FER1L5: variants seen among roughly 807,000 people sequenced by gnomAD.
The protein encoded by FER1L5 is fer-1-like protein 5.
Under a neutral mutation model 279.9 loss-of-function variants are expected in FER1L5, and 187 were observed. The ratio of observed to expected loss-of-function variants is 0.67; its 90% CI spans 0.59 to 0.75. The LOEUF is 0.75. Among genes scored for constraint, FER1L5 ranks in the 30% least tolerant of loss-of-function variants. FER1L5 has a pLI of 0.00. For missense variants in FER1L5, 2,091 were observed against 2,594.4 expected (o/e 0.81, Z 4.21); for synonymous variants, 921 against 989.7 (o/e 0.93, Z 1.30).
chr2:96,695,278 CT>C (rs560539265), intron 34 of FER1L5: 88 of 543,610 alleles, frequency 1.6e-4, no homozygotes, highest in African/African-American at 1.5e-3. Flanking sequence ...GGTCACCTCC[CT>C]CATGGGTTGG....
chr2:96,649,436 C>T (rs1309859584), intron 4 of FER1L5, among the ~76,000 whole-genome samples, 187 bp from the exon 5 acceptor site: 1 of 152,196 alleles, frequency 6.6e-6, no homozygotes, highest in African/African-American at 2.4e-5. Flanking sequence ...TTGCTCTCTC[C>T]TCACCCATTT....
Position 96,687,730 on chromosome 2 carries a change from G to A in FER1L5, c.2230-86G>A, listed in dbSNP as rs1275976816. 5 of 1,521,006 alleles carry A rather than the reference G, an allele frequency of 3.3e-6. No homozygotes were observed. In the African/African-American group the frequency reaches 5.5e-5, roughly 17 times the overall value. The allele number at this position is 1,521,006 out of a possible 1,614,324, so 94.2% of individuals were successfully genotyped here. ...CCGCTCCCAGGGCTCAGGGGGGAAGGGGCAGGTACAGCCCACTTGGGGGGT... is the reference window on the plus strand; with the variant it reads ...CCGCTCCCAGGGCTCAGGGGGGAAGAGGCAGGTACAGCCCACTTGGGGGGT... On this transcript the variant is annotated intron_variant, in intron 23 of 52. Coordinates refer to ENST00000624922, the MANE Select transcript of FER1L5 (RefSeq NM_001293083.2).
Position 96,703,577 on chromosome 2 carries a change from C to A in FER1L5, c.5746C>A (p.Pro1916Thr), listed in dbSNP as rs746966683. 1 of 1,613,990 alleles carries A rather than the reference C, an allele frequency of 6.2e-7. No individual in the cohort carries two copies. Among genetic ancestry groups the A allele is most frequent in the Non-Finnish European group, 8.5e-7 (1 of 1,179,884 alleles). Residue 1916 changes from proline (P) to threonine (T), a missense_variant, in exon 51 of 53, where the codon CCA becomes ACA. Pro to Thr is a conservative substitution (Grantham distance 38). Transcript: ENST00000624922. Reference protein sequence around the residue: ...ILSEKEALIKPAGRGQSEPNQ... With the variant: ...ILSEKEALIKTAGRGQSEPNQ... Reference sequence around the variant, plus strand: ...GTCAGAGAAGGAAGCCTTAATCAAGCCAGCCGGGCGAGGCCAGTCGGAACC... The same window carrying A: ...GTCAGAGAAGGAAGCCTTAATCAAGACAGCCGGGCGAGGCCAGTCGGAACC...
intron 2 of FER1L5, 70 bp downstream of exon 2, chr2:96,646,523 G>T: frequency 6.7e-7 from 1 of 1,492,714 alleles, no homozygotes; most frequent in Non-Finnish European, 9.1e-7. Context: ...GTGGGGTCCA[G>T]GAAGGTGCTC....
intron 35 of FER1L5, 26 bp from the exon 36 acceptor site, chr2:96,695,716 C>T (rs1183753448): frequency 1.4e-5 from 22 of 1,609,476 alleles, no homozygotes; most frequent in Non-Finnish European, 1.9e-5. Context: ...GGGTCTCACG[C>T]TCCCCACGTC....
Position 96,689,358 on chromosome 2 carries a change from C to T in FER1L5, c.2507C>T (p.Thr836Ile), listed in dbSNP as rs1262442550. 6 of 1,550,196 alleles carry T rather than the reference C, an allele frequency of 3.9e-6. No homozygotes were observed. The African/African-American group carries it at 5.5e-5, about 14-fold the overall frequency. The change falls in exon 25 of 53, where the codon ACA becomes ATA. Residue 836 changes from threonine (T) to isoleucine (I), a missense_variant. Thr to Ile is a moderately conservative substitution (Grantham distance 89). Transcript: ENST00000624922. This position sits in a 1 kb window ranked among gnomAD's most constrained non-coding sequence, Gnocchi z 4.6. The part of the protein sequence containing the change: ...PLGWHWQDSW[T>I]VEPQRRLLLD... ...GGATGGCACTGGCAGGACAGCTGGA[C>T]AGTGGAACCTCAGAGAAGGTAAGGC...
chr2:96,695,391 C>A lies in FER1L5; in HGVS notation c.3742-118C>A, dbSNP rs575739760. 5.0e-5 allele frequency: 67 copies of A among 1,328,886 alleles called. No individual in the cohort carries two copies. The East Asian group carries it at 1.7e-3, about 34-fold the overall frequency. 82.3% of individuals were successfully genotyped at this position (1,328,886 alleles called of 1,614,324 possible). A position where few individuals can be genotyped will look rare whatever the true frequency, so the allele number is the denominator to read the frequency against. Reference sequence around the variant, plus strand: ...CACTGGCTCCTCTGCAGCCCCATTCCCTGGCCCTGCAGGCTCCTGCTGCAC... The same window carrying A: ...CACTGGCTCCTCTGCAGCCCCATTCACTGGCCCTGCAGGCTCCTGCTGCAC... On this transcript the variant is annotated intron_variant, in intron 34 of 52. Coordinates refer to ENST00000624922, the MANE Select transcript of FER1L5 (RefSeq NM_001293083.2).
intron 9 of FER1L5, among the ~76,000 whole-genome samples, chr2:96,655,348 A>T (rs1462145730): frequency 6.6e-6 from 1 of 152,222 alleles, no homozygotes; most frequent in Non-Finnish European, 1.5e-5. Context: ...TAAATACAGG[A>T]TGCCTGGTTA....
rs984682795 is a variant in FER1L5 at position 96,704,548 on chromosome 2, A to C, written c.6030A>C (p.Leu2010=). 2.5e-6 allele frequency: 4 copies of C among 1,613,882 alleles called. No homozygotes were observed. The South Asian group carries it at 4.4e-5, about 18-fold the overall frequency. Reference sequence around the variant, plus strand: ...AAATATTCAATATCATCAATTCACTAAACACCAGCAACGCCAGCTCTTCCA... The same window carrying C: ...AAATATTCAATATCATCAATTCACTCAACACCAGCAACGCCAGCTCTTCCA... The part of the protein sequence containing the change: ...PIKIFNIINS[L]NTSNASSSIL... The change falls in exon 53 of 53, where the codon CTA becomes CTC. Residue 2010 remains leucine (L), a synonymous_variant. Coordinates refer to ENST00000624922, the MANE Select transcript of FER1L5 (RefSeq NM_001293083.2).
chr2:96,684,864 AGGGAATAACCTGCAAAGCCGC>A, intron 20 of FER1L5, among the ~76,000 whole-genome samples: 1 of 152,118 alleles, frequency 6.6e-6, no homozygotes. Context: ...TGGGGGTAGA[AGGGAATAACCTGCAAAGCCGC>A]GGCAATGTGC....
chr2:96,680,811 C>T (rs1404909848), intron 19 of FER1L5, among the ~76,000 whole-genome samples: 5 of 152,180 alleles, frequency 3.3e-5, no homozygotes, highest in South Asian at 2.1e-4. Context: ...ACTCCAGAGG[C>T]CCCTGTGCCC....
Position 96,653,673 on chromosome 2 carries a change from A to G in FER1L5, c.667A>G (p.Lys223Glu), listed in dbSNP as rs1431889185. Residue 223 changes from lysine to glutamate, a missense_variant, in exon 8 of 53, where the codon AAG becomes GAG. Transcript: ENST00000624922. ...FFQNFHEVPA[K>E]FFDETILIQV... ...CCAGAATTTTCATGAGGTTCCTGCA[A>G]AGTTCTTTGATGAGACCATCTTAAT... The G allele has an allele frequency of 7.7e-6, 12 of 1,551,422 alleles. No homozygotes were observed. The highest frequency in any genetic ancestry group is 1.2e-5 in the South Asian group (1 of 84,048).
intron 9 of FER1L5, among the ~76,000 whole-genome samples, chr2:96,659,362 C>CTTCCTTCCTTCCT: frequency 1.6e-5 from 1 of 61,312 alleles, no homozygotes; most frequent in East Asian, 8.6e-4. Flanking sequence ...TCCTTCCTTC[C>CTTCCTTCCTTCCT]TTCTTTCTTT....
chr2:96,695,865 G>T lies in FER1L5; in HGVS notation c.4018G>T (p.Asp1340Tyr). 6.2e-7 allele frequency: 1 copy of T among 1,613,604 alleles called. No homozygotes were observed. Among genetic ancestry groups the T allele is most frequent in the Non-Finnish European group, 8.5e-7 (1 of 1,179,800 alleles). ...CGACTTCCTCCAGCCCTACTTCTGTGACCCCTGGGCTCAAGACTATATGCA... is the reference window on the plus strand; with the variant it reads ...CGACTTCCTCCAGCCCTACTTCTGTTACCCCTGGGCTCAAGACTATATGCA... ...NIDFLQPYFC[D>Y]PWAQDYMHPK... The change falls in exon 36 of 53, where the codon GAC (aspartate) becomes TAC (tyrosine). Residue 1340 changes from aspartate (D) to tyrosine (Y), a missense_variant. Asp to Tyr is a radical substitution (Grantham distance 160, BLOSUM62 -3). Transcript: ENST00000624922.
intron 18 of FER1L5, among the ~76,000 whole-genome samples, chr2:96,672,368 G>A (rs964473611): frequency 2.0e-5 from 3 of 152,146 alleles, no homozygotes; most frequent in Non-Finnish European, 4.4e-5. Context: ...GAGCCACCAC[G>A]CCTGGCCTCA....
chr2:96,702,851 A>C lies in FER1L5; in HGVS notation c.5397+110A>C. 1 of 1,537,866 alleles carries C rather than the reference A, an allele frequency of 6.5e-7. No individual in the cohort carries two copies. On this transcript the variant is annotated intron_variant, in intron 48 of 52. Transcript: ENST00000624922. This position sits in a 1 kb window ranked among gnomAD's most constrained non-coding sequence, Gnocchi z 4.0. ...CTTGCAATCTGTCCCAGAACATCAG[A>C]AACATGTCCTCAGGTGGAAACCCTC...
intron 45 of FER1L5, among the ~76,000 whole-genome samples, 158 bp downstream of exon 45, chr2:96,700,629 A>G (rs2077557082): frequency 6.6e-6 from 1 of 152,244 alleles, no homozygotes; most frequent in Non-Finnish European, 1.5e-5. Flanking sequence ...GTGCACATTA[A>G]TAAGCAAGAA....
At chr2:96,664,248 C>G (rs2076052189) in intron 14 of FER1L5, among the ~76,000 whole-genome samples, 6 of 152,112 alleles carry the variant, frequency 3.9e-5, no homozygotes, top group Admixed American at 3.9e-4. Flanking sequence ...AATATGTACA[C>G]ATCCAGGAAA....
intron 37 of FER1L5, among the ~76,000 whole-genome samples, chr2:96,697,035 A>T (rs2077410604): frequency 2.6e-5 from 4 of 152,160 alleles, no homozygotes; most frequent in Admixed American, 2.6e-4. Flanking sequence ...CTCACCTGAG[A>T]GTTTTAAAAC....
Sources: gnomAD v4.1 joint callset for allele counts (sites outside exome capture counted in the v4.1 genomes callset) on GRCh38, gnomAD v4.1.1 for gene constraint, Gnocchi (gnomAD v3.1) non-coding constraint, MANE v1.5 for transcripts, NCBI Gene and HGNC (gene_info 2026-07-23, HGNC 2026-07-21) for gene names.